METTL16: variants seen among roughly 807,000 people sequenced by gnomAD.
METTL16 encodes RNA N(6)-adenosine-methyltransferase METTL16.
METTL16 carries 19 observed loss-of-function variants against 57.9 expected under a neutral mutation model. The ratio of observed to expected loss-of-function variants is 0.33; its 90% confidence interval spans 0.23 to 0.48. The LOEUF is 0.48. METTL16 is among the 20% of genes least tolerant of loss of function. METTL16 has a pLI of 0.99. For synonymous variants in METTL16, 246 were observed against 255.6 expected (o/e 0.96, Z 0.36); for missense variants, 434 against 691.5 (o/e 0.63, Z 4.18).
intron 2 of METTL16, among the ~76,000 whole-genome samples, chr17:2,489,716 A>G (rs1182839495): frequency 9.6e-6 from 1 of 103,962 alleles, no homozygotes. Flanking sequence ...TCCAGCCTGG[A>G]TGACAGAGCG....
At chr17:2,463,615 C>T (rs1372358082) in intron 6 of METTL16, among the ~76,000 whole-genome samples, 1 of 151,938 alleles carries the variant, frequency 6.6e-6, no homozygotes, top group Non-Finnish European at 1.5e-5. Context: ...GCACCCACCA[C>T]CACACCCAGC....
intron 7 of METTL16, among the ~76,000 whole-genome samples, chr17:2,440,994 A>AAAAAAAAAAAAAAAAAAAAAAAAAAG (rs1555616313): frequency 2.5e-5 from 3 of 118,896 alleles, no homozygotes; most frequent in African/African-American, 4.7e-5. Flanking sequence ...AAAAAAAAAA[A>AAAAAAAAAAAAAAAAAAAAAAAAAAG]AAGAAGAAGA....
intron 6 of METTL16, among the ~76,000 whole-genome samples, chr17:2,452,863 T>C (rs2067081296): frequency 6.6e-6 from 1 of 152,148 alleles, no homozygotes; most frequent in African/African-American, 2.4e-5. Context: ...GTTTTTGTTT[T>C]TTTTAGACTT....
At chr17:2,511,619 C>T (rs2067589654) in intron 1 of METTL16, 140 bp downstream of exon 1, 2 of 388,298 alleles carry the variant, frequency 5.2e-6, no homozygotes, top group African/African-American at 2.1e-5. Flanking sequence ...CGTGCGCACA[C>T]ACAGCCACAT....
intron 6 of METTL16, among the ~76,000 whole-genome samples, chr17:2,454,128 T>C (rs970004309): frequency 6.6e-6 from 1 of 152,198 alleles, no homozygotes; most frequent in Admixed American, 6.5e-5. Context: ...ATGTCATTAC[T>C]TTCTGGTACT....
At chr17:2,482,126 C>G (rs1412381747) in intron 2 of METTL16, among the ~76,000 whole-genome samples, 1 of 152,152 alleles carries the variant, frequency 6.6e-6, no homozygotes, top group Non-Finnish European at 1.5e-5. Context: ...TTCACGAGCT[C>G]TTTGTGAAGA....
intron 5 of METTL16, among the ~76,000 whole-genome samples, chr17:2,466,737 T>C (rs183441622): frequency 5.0e-4 from 76 of 152,334 alleles, no homozygotes; most frequent in Middle Eastern, 3.4e-3. Flanking sequence ...GTGAATGCTA[T>C]GTAAAAATAG....
chr17:2,445,617 C>T (rs943788299), intron 6 of METTL16, among the ~76,000 whole-genome samples: 1 of 151,866 alleles, frequency 6.6e-6, no homozygotes, highest in African/African-American at 2.4e-5. Flanking sequence ...AAAACCCCGC[C>T]TCTACTGAAA....
At chr17:2,463,501 A>T (rs1002910714) in intron 6 of METTL16, among the ~76,000 whole-genome samples, 1 of 152,072 alleles carries the variant, frequency 6.6e-6, no homozygotes, top group African/African-American at 2.4e-5. Flanking sequence ...TTACTCTCTC[A>T]CCCAGGCTGG....
intron 6 of METTL16, among the ~76,000 whole-genome samples, chr17:2,461,118 T>A (rs1458964551): frequency 6.6e-6 from 1 of 152,032 alleles, no homozygotes; most frequent in Non-Finnish European, 1.5e-5. Context: ...GTTGGGAGGC[T>A]GAGACAGGAG....
intron 6 of METTL16, among the ~76,000 whole-genome samples, chr17:2,454,532 T>C (rs1174644274): frequency 6.6e-6 from 1 of 151,680 alleles, no homozygotes; most frequent in Non-Finnish European, 1.5e-5. Context: ...TATTCACTTT[T>C]TGACATGGAT....
chr17:2,462,202 C>G (rs1174799644), intron 6 of METTL16, among the ~76,000 whole-genome samples: 1 of 151,914 alleles, frequency 6.6e-6, no homozygotes. Flanking sequence ...GAAAACATGA[C>G]GAAAAGTGAA....
intron 6 of METTL16, among the ~76,000 whole-genome samples, chr17:2,446,842 C>G (rs1385442439): frequency 6.6e-6 from 1 of 152,108 alleles, no homozygotes; most frequent in Admixed American, 6.5e-5. Context: ...CTCGGCCTCC[C>G]GGGGTGCCGG....
chr17:2,429,198 C>T (rs1003489544), intron 8 of METTL16, among the ~76,000 whole-genome samples: 13 of 120,368 alleles, frequency 1.1e-4, no homozygotes, highest in Admixed American at 9.5e-5. Context: ...AAGAATGAAA[C>T]TTTTTTTTTT....
At chr17:2,438,049 G>T in intron 8 of METTL16, 60 bp downstream of exon 8, 1 of 1,205,796 alleles carries the variant, frequency 8.3e-7, no homozygotes, top group Non-Finnish European at 1.2e-6. Context: ...GTTCACTTAT[G>T]ATGGACTGAA....
chr17:2,446,894 C>G (rs1211588265), intron 6 of METTL16, among the ~76,000 whole-genome samples: 2 of 152,012 alleles, frequency 1.3e-5, no homozygotes, highest in Non-Finnish European at 2.9e-5. Context: ...TCAGTGGTGC[C>G]CAGGCTGGAG....
intron 5 of METTL16, among the ~76,000 whole-genome samples, chr17:2,467,302 C>A (rs1170168656): frequency 2.0e-5 from 3 of 152,244 alleles, no homozygotes; most frequent in African/African-American, 7.2e-5. Context: ...CTGCTTGAGT[C>A]CGGATGTTCA....
chr17:2,497,236 C>T (rs886342976), intron 2 of METTL16, among the ~76,000 whole-genome samples: 30 of 150,620 alleles, frequency 2.0e-4, no homozygotes, highest in Middle Eastern at 6.9e-3. Context: ...GAACTCCTGA[C>T]CTCAGGTGAT....
At chr17:2,427,000 G>A (rs527267726) in intron 8 of METTL16, among the ~76,000 whole-genome samples, 22 of 151,402 alleles carry the variant, frequency 1.5e-4, no homozygotes, top group African/African-American at 3.4e-4. Flanking sequence ...AAAAAGAGCC[G>A]GGCATGGAGG....
Sources: allele counts gnomAD v4.1 joint callset (sites outside exome capture counted in the v4.1 genomes callset), GRCh38; gene constraint gnomAD v4.1.1; transcripts MANE v1.5; gene names NCBI Gene and HGNC (gene_info 2026-07-23, HGNC 2026-07-21).